Variants in GALNT18 observed in about 807,000 individuals in gnomAD.
The protein encoded by GALNT18 is polypeptide N-acetylgalactosaminyltransferase 18, also known as GalNAc-transferase 18.
A neutral mutation model predicts 69.5 loss-of-function variants in GALNT18; 44 were observed. That is an observed-to-expected ratio of 0.63 (90% CI 0.50 to 0.81). The LOEUF (loss-of-function observed/expected upper bound fraction) is 0.81. Ranked by LOEUF, GALNT18 falls within the 40% of genes least tolerant of loss-of-function variation. The pLI is 0.00. For missense variants in GALNT18, 715 were observed against 810.0 expected (o/e 0.88, Z 1.42); for synonymous variants, 364 against 318.2 (o/e 1.14, Z -1.53).
At chr11:11,330,505 G>A (rs1341364396) in intron 8 of GALNT18, among the ~76,000 whole-genome samples, 1 of 152,188 alleles carries the variant, frequency 6.6e-6, no homozygotes, top group Admixed American at 6.5e-5. Flanking sequence ...CAGGAGGGAG[G>A]GGAGGCTGGC....
Position 11,620,299 on chromosome 11 carries a change from G to A in GALNT18, c.235+1060C>T, listed in dbSNP as rs553195994. 7.8e-5 allele frequency among the ~76,000 whole-genome samples: 11 copies of A among 141,804 alleles called. No individual in the cohort carries two copies. In the East Asian group the frequency reaches 1.3e-3, roughly 17 times the overall value. 93.0% of individuals were successfully genotyped at this position (141,804 alleles called of 152,430 possible). On this transcript the variant is annotated intron_variant, in intron 1 of 10. Coordinates refer to ENST00000227756, the MANE Select transcript of GALNT18 (RefSeq NM_198516.3). This position sits in a 1 kb window ranked among gnomAD's most constrained non-coding sequence, Gnocchi z 6.9. ...AAGAAAGCAGGGGGCGCGGGGAGGG[G>A]AGGAAGTGTGGACGTGAGCGCGCGC...
intron 1 of GALNT18, among the ~76,000 whole-genome samples, chr11:11,549,380 C>T (rs1042791984): frequency 1.6e-4 from 25 of 152,336 alleles, no homozygotes; most frequent in African/African-American, 4.6e-4. Context: ...CTAACTGATA[C>T]GGCAGATGAC....
intron 8 of GALNT18, among the ~76,000 whole-genome samples, chr11:11,329,240 C>T (rs1415796336): frequency 6.6e-6 from 1 of 152,202 alleles, no homozygotes; most frequent in South Asian, 2.1e-4. Context: ...TTGTTGGCTG[C>T]TATTATTATT....
chr11:11,567,788 TA>T (rs923171535), intron 1 of GALNT18, among the ~76,000 whole-genome samples: 80 of 152,218 alleles, frequency 5.3e-4, no homozygotes, highest in African/African-American at 1.9e-3. Context: ...CCAGAATTCT[TA>T]AAAAGTCTTT....
chr11:11,571,365 A>G (rs920104792), intron 1 of GALNT18, among the ~76,000 whole-genome samples: 3 of 152,250 alleles, frequency 2.0e-5, no homozygotes, highest in African/African-American at 7.2e-5. Flanking sequence ...AGTCTGCAAT[A>G]GGTGTCTCAG....
chr11:11,426,969 G>A (rs2403521), intron 3 of GALNT18, among the ~76,000 whole-genome samples: 14,830 of 152,170 alleles, frequency 0.097, 787 homozygotes, highest in African/African-American at 0.13. Flanking sequence ...ATATACAGAC[G>A]GGGTCTTGCT....
In GALNT18 at chr11:11,439,989, C is replaced by G. The variant is rs372356753; in HGVS notation, c.429-7202G>C. The stretch of plus-strand genomic sequence containing the variant: ...GGAAGAGACAATGGACATCTGCGAA[C>G]TGGGAGTTCTGCAATGCAGGAGAAA... On this transcript the variant is annotated intron_variant, in intron 2 of 10. Coordinates refer to ENST00000227756, the MANE Select transcript of GALNT18 (RefSeq NM_198516.3). This position sits in a 1 kb window ranked among gnomAD's most constrained non-coding sequence, Gnocchi z 4.4. 2.1e-4 allele frequency among the ~76,000 whole-genome samples: 32 copies of G among 152,312 alleles called. No individual in the cohort carries two copies. The highest frequency in any genetic ancestry group is 6.8e-3 in the Middle Eastern group (2 of 294).
intron 10 of GALNT18, among the ~76,000 whole-genome samples, chr11:11,273,374 TA>T (rs1235190478): frequency 6.6e-6 from 1 of 151,996 alleles, no homozygotes; most frequent in East Asian, 1.9e-4. Context: ...AAAATCCAAT[TA>T]AAAAATGGGC....
At chr11:11,281,020 G>C (rs920576772) in intron 10 of GALNT18, among the ~76,000 whole-genome samples, 2 of 152,050 alleles carry the variant, frequency 1.3e-5, no homozygotes, top group Admixed American at 1.3e-4. Flanking sequence ...ACCCAGGCTG[G>C]GCTGTGTTGC....
chr11:11,291,313 G>A (rs1849292284), intron 10 of GALNT18, among the ~76,000 whole-genome samples: 1 of 146,704 alleles, frequency 6.8e-6, no homozygotes, highest in African/African-American at 2.5e-5. Flanking sequence ...GTGATGAGAA[G>A]TAAGAGAGAA....
intron 10 of GALNT18, among the ~76,000 whole-genome samples, chr11:11,275,793 C>G (rs373154570): frequency 1.3e-5 from 2 of 152,138 alleles, no homozygotes; most frequent in African/African-American, 4.8e-5. Flanking sequence ...ATAGGGAATC[C>G]TTTCCCCATT....
At chr11:11,373,587 C>T (rs1369537502) in intron 5 of GALNT18, among the ~76,000 whole-genome samples, 1 of 152,182 alleles carries the variant, frequency 6.6e-6, no homozygotes, top group Non-Finnish European at 1.5e-5. Flanking sequence ...AGGTACATGG[C>T]CTGGGTCTGG....
intron 1 of GALNT18, among the ~76,000 whole-genome samples, chr11:11,522,321 T>G (rs1044077465): frequency 3.9e-5 from 6 of 152,070 alleles, no homozygotes; most frequent in African/African-American, 1.4e-4. Context: ...CTGCATCCCA[T>G]CCCTCTTTCC....
intron 9 of GALNT18, 142 bp downstream of exon 9, chr11:11,326,944 T>C: frequency 3.2e-6 from 2 of 626,668 alleles, no homozygotes; most frequent in Admixed American, 2.7e-5. Context: ...TGTGCCCTAA[T>C]GAAAAGCCCC....
At chr11:11,468,047 T>C (rs1389656402) in intron 1 of GALNT18, among the ~76,000 whole-genome samples, 2 of 152,166 alleles carry the variant, frequency 1.3e-5, no homozygotes, top group Non-Finnish European at 2.9e-5. Flanking sequence ...ACTAGAAACA[T>C]CTCAAATCTC....
Position 11,454,507 on chromosome 11 carries a change from CCTCTCTCT to C in GALNT18, c.236-5579_236-5572del, listed in dbSNP as rs563973696. On this transcript the variant is annotated intron_variant, in intron 1 of 10. Transcript: ENST00000227756. This position sits in a 1 kb window ranked among gnomAD's most constrained non-coding sequence, Gnocchi z 4.2. ...AGAAGGAGGCTGTGTCTTCTTCTTG[CCTCTCTCT>C]CTCTCTCTCTTTCAAATCTCACCAA... 6.7e-6 allele frequency among the ~76,000 whole-genome samples: 1 copy of C among 150,208 alleles called. No individual in the cohort carries two copies. The highest frequency in any genetic ancestry group is 6.6e-5 in the Admixed American group (1 of 15,064).
intron 3 of GALNT18, among the ~76,000 whole-genome samples, chr11:11,425,715 A>G (rs1033834008): frequency 6.6e-6 from 1 of 152,180 alleles, no homozygotes; most frequent in Non-Finnish European, 1.5e-5. Flanking sequence ...GTTCACGTTC[A>G]CTGGGCACTT....
chr11:11,602,447 T>C lies in GALNT18; in HGVS notation c.235+18912A>G, dbSNP rs982975170. ...GAGAAATATAGCCCTAGAGTGGAAG[T>C]TGTGGGAAAGCAGCACCCCGTCTTC... On this transcript the variant is annotated intron_variant, in intron 1 of 10. Coordinates refer to ENST00000227756, the MANE Select transcript of GALNT18 (RefSeq NM_198516.3). The surrounding 1 kb of genome is among the most constrained non-coding windows in gnomAD (Gnocchi z 4.7). Among the ~76,000 whole-genome samples, 1 of 151,978 alleles carries C rather than the reference T, an allele frequency of 6.6e-6. No homozygotes were observed. The highest frequency in any genetic ancestry group is 2.4e-5 in the African/African-American group (1 of 41,358).
At chr11:11,533,879 G>A (rs1857713369) in intron 1 of GALNT18, among the ~76,000 whole-genome samples, 1 of 152,236 alleles carries the variant, frequency 6.6e-6, no homozygotes, top group Admixed American at 6.5e-5. Context: ...GACGTGGCAT[G>A]GGGCCATGAC....
Sources: gnomAD v4.1 joint callset for allele counts (sites outside exome capture counted in the v4.1 genomes callset) on GRCh38, gnomAD v4.1.1 for gene constraint, Gnocchi (gnomAD v3.1) non-coding constraint, MANE v1.5 for transcripts, NCBI Gene and HGNC (gene_info 2026-07-23, HGNC 2026-07-21) for gene names.